Variants in GHR observed in about 807,000 individuals in gnomAD.
The protein encoded by GHR is GH receptor.
A neutral mutation model predicts 67.1 loss-of-function variants in GHR; 35 were observed. That is an observed-to-expected ratio of 0.52 (90% CI 0.40 to 0.69). The LOEUF is 0.69. Among genes scored for constraint, GHR ranks in the 30% least tolerant of loss-of-function variants. The pLI is 0.00. For synonymous variants in GHR, 272 were observed against 269.1 expected (o/e 1.01, Z -0.10); for missense variants, 792 against 764.6 (o/e 1.04, Z -0.42).
intron 1 of GHR, among the ~76,000 whole-genome samples, chr5:42,446,635 G>C (rs1417397451): frequency 6.6e-6 from 1 of 152,216 alleles, no homozygotes; most frequent in Non-Finnish European, 1.5e-5. Flanking sequence ...TTGAACAGTA[G>C]TGTGGAGATG....
intron 6 of GHR, among the ~76,000 whole-genome samples, chr5:42,709,327 G>A (rs944640578): frequency 6.6e-6 from 1 of 152,182 alleles, no homozygotes; most frequent in African/African-American, 2.4e-5. Flanking sequence ...ATTTTTAGTA[G>A]AGACAGGGTT....
chr5:42,596,761 G>C (rs1483663983), intron 2 of GHR, among the ~76,000 whole-genome samples: 1 of 152,166 alleles, frequency 6.6e-6, no homozygotes, highest in Non-Finnish European at 1.5e-5. Context: ...GATTGGGTTA[G>C]AACTCTTCCA....
At chr5:42,624,819 C>T (rs1428510110) in intron 2 of GHR, among the ~76,000 whole-genome samples, 1 of 151,994 alleles carries the variant, frequency 6.6e-6, no homozygotes, top group Non-Finnish European at 1.5e-5. Flanking sequence ...TGATTTGTAG[C>T]AAAGATCTGT....
chr5:42,636,907 G>A (rs558756484), intron 3 of GHR, among the ~76,000 whole-genome samples: 107 of 152,116 alleles, frequency 7.0e-4, no homozygotes, highest in Non-Finnish European at 1.2e-3. Context: ...GTGATCATTT[G>A]CTAAACAAAG....
intron 1 of GHR, among the ~76,000 whole-genome samples, chr5:42,483,560 A>T (rs1181840792): frequency 2.6e-5 from 4 of 151,974 alleles, no homozygotes; most frequent in African/African-American, 9.7e-5. Flanking sequence ...ATTGGTATTG[A>T]TAATTATTAT....
At chr5:42,525,879 C>T (rs1747686187) in intron 1 of GHR, among the ~76,000 whole-genome samples, 1 of 152,160 alleles carries the variant, frequency 6.6e-6, no homozygotes, top group African/African-American at 2.4e-5. Context: ...AGTCTTTTGC[C>T]TCCTGCCATG....
intron 1 of GHR, among the ~76,000 whole-genome samples, chr5:42,490,110 G>A (rs561395320): frequency 6.6e-6 from 1 of 152,276 alleles, no homozygotes; most frequent in South Asian, 2.1e-4. Flanking sequence ...CTTATGGAAT[G>A]GTGTGGATAG....
At chr5:42,597,916 G>A (rs1468605020) in intron 2 of GHR, among the ~76,000 whole-genome samples, 1 of 152,154 alleles carries the variant, frequency 6.6e-6, no homozygotes, top group African/African-American at 2.4e-5. Flanking sequence ...TTCTTGGAGG[G>A]ATTCAAGTAC....
intron 1 of GHR, among the ~76,000 whole-genome samples, chr5:42,441,423 G>A (rs895412511): frequency 6.6e-6 from 1 of 152,122 alleles, no homozygotes; most frequent in Non-Finnish European, 1.5e-5. Context: ...TTGAAAGAGA[G>A]ACAATGAATA....
chr5:42,579,077 A>AGAT, intron 2 of GHR, among the ~76,000 whole-genome samples: 1 of 44,016 alleles, frequency 2.3e-5, no homozygotes, highest in Admixed American at 2.7e-4. Context: ...CTGACACTAT[A>AGAT]GATAGATAGA....
At chr5:42,544,987 A>G (rs1055152546) in intron 1 of GHR, among the ~76,000 whole-genome samples, 7 of 152,216 alleles carry the variant, frequency 4.6e-5, no homozygotes, top group Non-Finnish European at 1.0e-4. Context: ...ATGTTTCTAG[A>G]TAACTCCATA....
At chr5:42,617,418 A>T (rs1291852583) in intron 2 of GHR, among the ~76,000 whole-genome samples, 1 of 150,542 alleles carries the variant, frequency 6.6e-6, no homozygotes, top group African/African-American at 2.4e-5. Flanking sequence ...ACACACACAC[A>T]CACACACAGC....
intron 1 of GHR, among the ~76,000 whole-genome samples, chr5:42,459,755 G>C (rs1744410876): frequency 6.6e-6 from 1 of 152,162 alleles, no homozygotes; most frequent in Non-Finnish European, 1.5e-5. Context: ...CTGGGCTTGA[G>C]ATTTGATAAA....
Position 42,481,621 on chromosome 5 carries a change from G to T in GHR, c.-12+57666G>T, listed in dbSNP as rs112624800. ...CTTTTTTCTCTAAACTTCTCTTCTC[G>T]CTTCATTTCATTCATCTTCCATCAC... is the stretch of plus-strand genomic sequence containing the variant. On this transcript the variant is annotated intron_variant, in intron 1 of 9. Coordinates refer to ENST00000230882, the MANE Select transcript of GHR (RefSeq NM_000163.5). Among the ~76,000 whole-genome samples, 387 of 151,198 alleles carry T rather than the reference G, an allele frequency of 2.6e-3. 2 individuals carry two copies. The highest frequency in any genetic ancestry group is 8.9e-3 in the African/African-American group (368 of 41,150).
intron 2 of GHR, among the ~76,000 whole-genome samples, chr5:42,608,120 C>T (rs1461288223): frequency 6.6e-6 from 1 of 152,138 alleles, no homozygotes; most frequent in Non-Finnish European, 1.5e-5. Flanking sequence ...CCAGTTTTCT[C>T]ATCTAGGAAT....
intron 1 of GHR, among the ~76,000 whole-genome samples, chr5:42,478,666 C>G (rs1032849928): frequency 1.3e-5 from 2 of 152,146 alleles, no homozygotes; most frequent in African/African-American, 4.8e-5. Context: ...GGAGTTCACT[C>G]ATGATTTGGC....
At chr5:42,706,159 AT>A (rs1758166092) in intron 6 of GHR, among the ~76,000 whole-genome samples, 1 of 151,824 alleles carries the variant, frequency 6.6e-6, no homozygotes, top group Non-Finnish European at 1.5e-5. Context: ...AATGTTGAGC[AT>A]TTTTTCTTAC....
intron 1 of GHR, among the ~76,000 whole-genome samples, chr5:42,475,672 G>C (rs943235005): frequency 2.0e-5 from 3 of 151,852 alleles, no homozygotes; most frequent in African/African-American, 7.3e-5. Flanking sequence ...ACTGGGTGTA[G>C]GAATGGAATG....
intron 3 of GHR, among the ~76,000 whole-genome samples, chr5:42,671,685 G>T (rs191909442): frequency 6.7e-6 from 1 of 150,306 alleles, no homozygotes; most frequent in Non-Finnish European, 1.5e-5. Flanking sequence ...GGCCGGGCGC[G>T]GTGGCTCACA....
Sources: gnomAD v4.1 joint callset for allele counts (sites outside exome capture counted in the v4.1 genomes callset) on GRCh38, gnomAD v4.1.1 for gene constraint, MANE v1.5 for transcripts, NCBI Gene and HGNC (gene_info 2026-07-23, HGNC 2026-07-21) for gene names.